The following IGFL2 variants were observed in gnomAD, a reference collection of about 807,000 sequenced individuals.
IGFL2 encodes IGF like family member 2.
In IGFL2, 7 loss-of-function variants were observed where a neutral mutation model predicts 13.9. That is an observed-to-expected ratio of 0.51 (90% CI 0.29 to 0.95). The LOEUF is 0.95. Ranked by LOEUF, IGFL2 falls within the 40% of genes least tolerant of loss-of-function variation. IGFL2 has a pLI of 0.08. For missense variants in IGFL2, 138 were observed against 147.8 expected, an observed-to-expected ratio of 0.93 and a Z score of 0.34; for synonymous variants, 55 against 55.8, an observed-to-expected ratio of 0.99 and a Z score of 0.07.
chr19:46,092,771 A>C, the IGFL2 span, among the ~76,000 whole-genome samples: 2 of 152,046 alleles, frequency 1.3e-5, no homozygotes, highest in African/African-American at 4.8e-5. Context: ...GTGAGCCATC[A>C]TGCCTGTCTG....
At position 46,160,616 on chromosome 19, in the gene IGFL2, C is replaced by G. The variant is rs764913368; in HGVS notation, c.76C>G (p.Pro26Ala). The G allele has an allele frequency of 4.9e-5, 79 of 1,614,028 alleles. No individual in the cohort carries two copies. The highest frequency in any genetic ancestry group is 6.6e-5 in the Non-Finnish European group (78 of 1,180,004). Residue 26 changes from proline to alanine, a missense_variant and splice_region_variant, in exon 3 of 4, where the codon CCC becomes GCC. By Grantham distance (27) the Pro-to-Ala change is conservative (BLOSUM62 -1). Transcript: ENST00000377693. ...LLLCPREVIAPAGSEPWLCQP... is the reference protein window; with the variant it reads ...LLLCPREVIAAAGSEPWLCQP... The stretch of plus-strand genomic sequence containing the variant: ...ACAATGTCTGTCCATCTGTCCAGCT[C>G]CCGCTGGCTCAGAACCATGGCTGTG...
chr19:46,079,107 C>T, the IGFL2 span, among the ~76,000 whole-genome samples: 4 of 151,578 alleles, frequency 2.6e-5, no homozygotes, highest in African/African-American at 9.7e-5. Context: ...CAGGCGTCGT[C>T]AGTAGACATC....
chr19:46,187,861 G>T, the IGFL2 span, among the ~76,000 whole-genome samples: 6 of 55,892 alleles, frequency 1.1e-4, 1 homozygote, highest in African/African-American at 3.2e-4. Flanking sequence ...GCATTAACCC[G>T]TTTAAACCTG....
chr19:46,161,824 T>C (rs879375082), downstream of IGFL2, among the ~76,000 whole-genome samples: 6 of 152,222 alleles, frequency 3.9e-5, no homozygotes, highest in Non-Finnish European at 5.9e-5. Flanking sequence ...CATTAAAGGT[T>C]AGTATTGATA....
At chr19:46,137,548 G>T in the IGFL2 span, 1 of 1,065,998 alleles carries the variant, frequency 9.4e-7, no homozygotes, top group Non-Finnish European at 1.4e-6. Flanking sequence ...GAATGTCCAT[G>T]GAATCGTCAT....
At chr19:46,113,009 T>G in the IGFL2 span, 2 of 152,240 alleles carry the variant, frequency 1.3e-5, no homozygotes, top group African/African-American at 4.8e-5. Flanking sequence ...AGTCTATTAA[T>G]AAATTGAGAG....
chr19:46,207,977 G>A, the IGFL2 span: 4 of 152,160 alleles, frequency 2.6e-5, no homozygotes, highest in African/African-American at 9.7e-5. Context: ...CCCGGAATAG[G>A]GGTCTGAACA....
chr19:46,160,218 A>C, intron 1 of IGFL2, 197 bp from the exon 2 acceptor site: 1 of 597,160 alleles, frequency 1.7e-6, no homozygotes, highest in South Asian at 2.1e-5. Context: ...TCTTTCCTAG[A>C]AGGGTCCATG....
At chr19:46,150,515 G>C (rs774706096) in intron 1 of IGFL2, among the ~76,000 whole-genome samples, 34 of 152,098 alleles carry the variant, frequency 2.2e-4, no homozygotes, top group Non-Finnish European at 3.2e-4. Flanking sequence ...GAATAATTGT[G>C]TATATTTATG....
At chr19:46,113,482 TG>T in the IGFL2 span, 1 of 374,806 alleles carries the variant, frequency 2.7e-6, no homozygotes, top group Non-Finnish European at 5.3e-6. Context: ...ATAAGCATTG[TG>T]GAAGCCATAA....
the IGFL2 span, among the ~76,000 whole-genome samples, chr19:46,193,880 T>TGTGGTAATTACAACA: frequency 6.6e-6 from 1 of 152,182 alleles, no homozygotes; most frequent in Non-Finnish European, 1.5e-5. Flanking sequence ...ATTACCACAG[T>TGTGGTAATTACAACA]GTGTTGGCTC....
chr19:46,126,784 T>C, the IGFL2 span, among the ~76,000 whole-genome samples: 3 of 152,186 alleles, frequency 2.0e-5, no homozygotes, highest in Non-Finnish European at 2.9e-5. Context: ...CCACACAACT[T>C]AATTGAAGTG....
upstream of IGFL2, among the ~76,000 whole-genome samples, chr19:46,141,249 G>A (rs944833703): frequency 2.6e-5 from 4 of 152,152 alleles, no homozygotes; most frequent in African/African-American, 7.2e-5. Context: ...AGAGATCCAT[G>A]GGAAATTGTC....
downstream of IGFL2, among the ~76,000 whole-genome samples, chr19:46,162,583 T>C (rs1974215672): frequency 6.6e-6 from 1 of 152,234 alleles, no homozygotes; most frequent in Non-Finnish European, 1.5e-5. Flanking sequence ...CTTGGTTTAT[T>C]CTACTGTTAA....
At chr19:46,099,817 A>T in the IGFL2 span, among the ~76,000 whole-genome samples, 30,173 of 151,676 alleles carry the variant, frequency 0.2, 4,499 homozygotes, top group African/African-American at 0.42. Flanking sequence ...TGAGTCACCG[A>T]GCCTGTGCTT....
the IGFL2 span, among the ~76,000 whole-genome samples, chr19:46,080,161 T>G: frequency 2.6e-4 from 39 of 152,344 alleles, no homozygotes; most frequent in East Asian, 7.5e-3. Flanking sequence ...CGGGCAGATA[T>G]TTATTAAATA....
chr19:46,113,476 G>A, the IGFL2 span: 2 of 378,398 alleles, frequency 5.3e-6, no homozygotes, highest in Non-Finnish European at 5.3e-6. Context: ...AAGAAGATAA[G>A]CATTGTGGAA....
chr19:46,166,316 G>A, the IGFL2 span, among the ~76,000 whole-genome samples: 1 of 152,046 alleles, frequency 6.6e-6, no homozygotes, highest in African/African-American at 2.4e-5. Context: ...GATCCTTGAT[G>A]CCCCACAAGC....
At chr19:46,207,909 T>A in the IGFL2 span, 1 of 152,174 alleles carries the variant, frequency 6.6e-6, no homozygotes, top group Admixed American at 6.5e-5. Flanking sequence ...GAGTTACCAA[T>A]CCCAAGGGAG....
Sources: allele counts gnomAD v4.1 joint callset (sites outside exome capture counted in the v4.1 genomes callset), GRCh38; gene constraint gnomAD v4.1.1; transcripts MANE v1.5; gene names NCBI Gene and HGNC (gene_info 2026-07-23, HGNC 2026-07-21).